The following MSN variants were observed in gnomAD, a reference collection of about 807,000 sequenced individuals.
MSN encodes epididymis luminal protein 70.
In MSN, 2 loss-of-function variants were observed where a neutral mutation model predicts 48.0. The ratio of observed to expected loss-of-function variants is 0.04; its 90% confidence interval spans 0.02 to 0.13. The LOEUF (loss-of-function observed/expected upper bound fraction) is 0.13. Ranked by LOEUF, MSN falls within the 10% of genes least tolerant of loss-of-function variation. The pLI, the probability that MSN is intolerant of heterozygous loss-of-function variation, is 1.00. For missense variants in MSN, 267 were observed against 470.1 expected, an observed-to-expected ratio of 0.57 and a Z score of 3.99; for synonymous variants, 146 against 166.9, an observed-to-expected ratio of 0.87 and a Z score of 0.97.
intron 1 of MSN, among the ~76,000 whole-genome samples, chrX:65,617,085 G>C (rs1650800208): frequency 9.3e-6 from 1 of 107,142 alleles, no homozygotes; most frequent in Admixed American, 9.8e-5. Context: ...TAAGCTTTTT[G>C]ATGTGCTGCT....
At chrX:65,617,371 C>T (rs2070384452) in intron 1 of MSN, among the ~76,000 whole-genome samples, 1 of 109,297 alleles carries the variant, frequency 9.1e-6, no homozygotes, top group Non-Finnish European at 1.9e-5. Flanking sequence ...TTGATTATTG[C>T]CACAATTTCA....
chrX:65,672,960 A>G (rs1286084300), intron 1 of MSN, among the ~76,000 whole-genome samples: 2 of 111,532 alleles, frequency 1.8e-5, no homozygotes, highest in Non-Finnish European at 3.8e-5. Flanking sequence ...CTCTTGTCCC[A>G]TTATACTCCT....
At chrX:65,668,673 A>G (rs554909899) in intron 1 of MSN, among the ~76,000 whole-genome samples, 3 of 111,768 alleles carry the variant, frequency 2.7e-5, no homozygotes, top group South Asian at 7.4e-4. Context: ...TACGAGAGGA[A>G]CAGAAGCCTC....
intron 1 of MSN, among the ~76,000 whole-genome samples, chrX:65,703,390 GAGGAAGGTCAAAA>G (rs1365882634): frequency 9.0e-6 from 1 of 110,844 alleles, no homozygotes; most frequent in Non-Finnish European, 1.9e-5. Context: ...ATTTTAGAAA[GAGGAAGGTCAAAA>G]AGGCTCCAAA....
At chrX:65,589,385 TCTAGG>T (rs773369407) in intron 1 of MSN, among the ~76,000 whole-genome samples, 76 of 112,104 alleles carry the variant, frequency 6.8e-4, no homozygotes, top group African/African-American at 2.5e-3. Flanking sequence ...GACATCTGTT[TCTAGG>T]CTAGGCTGGT....
Position 65,736,637 on chromosome X carries a change from T to G in MSN, c.960-158T>G, listed in dbSNP as rs758494712. ...ATTTTTAGTAGAGACGGGGTTTCAC[T>G]GTGTTAGCCAGGATGGTCTCGATCT... On this transcript the variant is annotated intron_variant, in intron 8 of 12. Transcript: ENST00000360270. Among the ~76,000 whole-genome samples, 145 of 110,246 alleles carry G rather than the reference T, an allele frequency of 1.3e-3. 1 individual carries two copies. The highest frequency in any genetic ancestry group is 4.7e-3 in the Middle Eastern group (1 of 214).
At position 65,737,204 on chromosome X, in the gene MSN, C is replaced by A. The variant is rs992565377; in HGVS notation, c.1117C>A (p.Leu373Met). ...ACTGGAAGAACAGACCCGTAGGGCT[C>A]TGGAACTTGAGCAGGAACGGAAGCG... is the stretch of plus-strand genomic sequence containing the variant. The part of the protein sequence containing the change: ...QELEEQTRRA[L>M]ELEQERKRAQ... Residue 373 changes from leucine to methionine, a missense_variant, in exon 10 of 13, where the codon CTG (leucine) becomes ATG (methionine). Physicochemically the swap from Leu to Met is conservative, Grantham distance 15. Transcript: ENST00000360270. The A allele has an allele frequency of 5.0e-6, 6 of 1,207,178 alleles. No homozygotes were observed. The South Asian group carries it at 8.9e-5, about 18-fold the overall frequency.
chrX:65,733,681 C>T (rs892294613), intron 7 of MSN, among the ~76,000 whole-genome samples: 2 of 108,808 alleles, frequency 1.8e-5, no homozygotes, highest in African/African-American at 3.6e-5. Flanking sequence ...TCCTTCCTCT[C>T]TCTCTCTCTC....
chrX:65,631,724 G>C (rs1013388206), intron 1 of MSN, among the ~76,000 whole-genome samples: 2 of 111,557 alleles, frequency 1.8e-5, no homozygotes, highest in Admixed American at 1.9e-4. Context: ...GCCCATGCTG[G>C]AGTGCAGTCG....
At chrX:65,668,988 G>C (rs1434409647) in intron 1 of MSN, among the ~76,000 whole-genome samples, 2 of 111,401 alleles carry the variant, frequency 1.8e-5, no homozygotes, top group African/African-American at 3.3e-5. Flanking sequence ...GAGAGGAGGA[G>C]AGTTGGGGGC....
intron 1 of MSN, among the ~76,000 whole-genome samples, chrX:65,603,234 C>T (rs1293644258): frequency 8.9e-6 from 1 of 111,960 alleles, no homozygotes; most frequent in Non-Finnish European, 1.9e-5. Flanking sequence ...GTGTAGGTTG[C>T]AGCAAGCTGA....
At chrX:65,649,605 TTG>T (rs200078172) in intron 1 of MSN, among the ~76,000 whole-genome samples, 1,782 of 98,105 alleles carry the variant, frequency 0.018, 62 homozygotes, top group African/African-American at 0.063. Context: ...ATATATATAT[TTG>T]TGTGTGTGTG....
At chrX:65,624,791 A>C (rs1402630318) in intron 1 of MSN, 1 of 108,683 alleles carries the variant, frequency 9.2e-6, no homozygotes, top group African/African-American at 3.3e-5. Flanking sequence ...GTCAAAAAAA[A>C]AAAGAAAGAA....
intron 1 of MSN, among the ~76,000 whole-genome samples, chrX:65,614,246 C>T (rs1001392816): frequency 4.5e-5 from 5 of 111,667 alleles, no homozygotes; most frequent in African/African-American, 1.3e-4. Flanking sequence ...GTTTTGGTAC[C>T]AGTACCATGT....
chrX:65,603,006 AT>A (rs1401703343), intron 1 of MSN, among the ~76,000 whole-genome samples: 2 of 112,277 alleles, frequency 1.8e-5, no homozygotes, highest in Admixed American at 1.9e-4. Flanking sequence ...CAGAAAGTGA[AT>A]TCCAGATCAG....
chrX:65,631,684 C>T (rs773578950), intron 1 of MSN, among the ~76,000 whole-genome samples: 259 of 110,912 alleles, frequency 2.3e-3, no homozygotes, highest in Middle Eastern at 9.3e-3. Flanking sequence ...ATTATTATTA[C>T]TTTATTTTGA....
chrX:65,727,158 C>T (rs180927877), intron 2 of MSN, among the ~76,000 whole-genome samples: 1 of 111,951 alleles, frequency 8.9e-6, no homozygotes, highest in East Asian at 2.8e-4. Context: ...CTTCACAATC[C>T]CCGTTTTATC....
chrX:65,658,365 A>G lies in MSN; in HGVS notation c.-21-58453A>G, dbSNP rs149556087. 8.3e-3 allele frequency among the ~76,000 whole-genome samples: 933 copies of G among 111,858 alleles called. 14 individuals are homozygous for G. The highest frequency in any genetic ancestry group is 0.028 in the African/African-American group (877 of 30,789). On this transcript the variant is annotated intron_variant, in intron 1 of 3. Coordinates refer to the MSN transcript ENST00000609672. ...GGGCCCCAAGCTGATATTTTTTCTC[A>G]TCTGTCTCTGACACATTTCTCTTCT... is the stretch of plus-strand genomic sequence containing the variant.
chrX:65,671,553 G>T (rs1400160954), intron 1 of MSN, among the ~76,000 whole-genome samples: 2 of 111,631 alleles, frequency 1.8e-5, no homozygotes, highest in Non-Finnish European at 3.8e-5. Flanking sequence ...TTTAACCCTT[G>T]AACCAGCCCT....
Sources: gnomAD v4.1 joint callset for allele counts (sites outside exome capture counted in the v4.1 genomes callset) on GRCh38, gnomAD v4.1.1 for gene constraint, MANE v1.5 for transcripts, NCBI Gene and HGNC (gene_info 2026-07-23, HGNC 2026-07-21) for gene names.